Variants in ZMAT1 observed in about 807,000 individuals in gnomAD.
The protein encoded by ZMAT1 is zinc finger matrin-type 1.
A neutral mutation model predicts 18.5 loss-of-function variants in ZMAT1; 11 were observed. That is an observed-to-expected ratio of 0.59 (90% CI 0.37 to 0.98). The LOEUF is 0.98. Ranked by LOEUF, ZMAT1 falls within the 50% of genes least tolerant of loss-of-function variation. The pLI is 0.01. For missense variants in ZMAT1, 525 were observed against 496.2 expected, an observed-to-expected ratio of 1.06 and a Z score of -0.55; for synonymous variants, 211 against 176.4, an observed-to-expected ratio of 1.20 and a Z score of -1.55.
chrX:101,919,945 T>C (rs191278603), intron 1 of ZMAT1, among the ~76,000 whole-genome samples: 81 of 109,912 alleles, frequency 7.4e-4, no homozygotes, highest in African/African-American at 2.6e-3. Context: ...GGGCACAGAA[T>C]GGAAGGAAAG....
rs370448586 is a variant in ZMAT1, at chrX:101,884,303, C to T, written c.1295G>A (p.Ser432Asn). 8.3e-6 allele frequency: 10 copies of T among 1,208,500 alleles called. No individual in the cohort carries two copies. The African/African-American group carries it at 1.6e-4, about 19-fold the overall frequency. The change falls in exon 6 of 6, where the codon AGC (serine) becomes AAC (asparagine). Residue 432 changes from serine (S) to asparagine (N), a missense_variant. Physicochemically the swap from Ser to Asn is conservative, Grantham distance 46 (BLOSUM62 1). Transcript: ENST00000651725. ...GGTTGGTAGCCACTGAGGTAACTGG[C>T]TTTCCACTGGTGAAATATGGTATGG... ...QRPYHISPVE[S>N]QLPQWLPTHS... is the part of the protein sequence containing the mutation.
At chrX:101,890,046 C>T (rs1927268492) in intron 4 of ZMAT1, 1 of 111,939 alleles carries the variant, frequency 8.9e-6, no homozygotes, top group South Asian at 3.7e-4. Context: ...ATATATACTA[C>T]TTCAGTTAAT....
At chrX:101,923,160 C>G (rs1438723101) in intron 1 of ZMAT1, among the ~76,000 whole-genome samples, 1 of 112,065 alleles carries the variant, frequency 8.9e-6, no homozygotes, top group African/African-American at 3.2e-5. Context: ...CATGTCTTTT[C>G]TCTTCCTTAA....
chrX:101,920,642 G>A (rs757051951), intron 1 of ZMAT1, among the ~76,000 whole-genome samples: 6 of 111,916 alleles, frequency 5.4e-5, no homozygotes, highest in African/African-American at 1.6e-4. Context: ...GTACTTAAAC[G>A]GATTTATCCA....
At position 101,931,748 on chromosome X, in the gene ZMAT1, A is replaced by G; in HGVS notation, c.261T>C (p.Phe87=). The G allele has an allele frequency of 1.3e-6, 1 of 770,341 alleles. No individual in the cohort carries two copies. Among genetic ancestry groups the G allele is most frequent in the Non-Finnish European group, 1.5e-6 (1 of 650,704 alleles). 63.5% of individuals were successfully genotyped at this position (770,341 alleles called of 1,213,427 possible). ...TGAGGCAAGGGCGGGTGTCTACTTTAAAACTACTGCCCCCCCTCCCCGCCG... is the reference window on the plus strand; with the variant it reads ...TGAGGCAAGGGCGGGTGTCTACTTTGAAACTACTGCCCCCCCTCCCCGCCG... ...MAAAGRGGSS[F]KVDTRPCLRE... Residue 87 remains phenylalanine (F), a synonymous_variant, in exon 1 of 6, where the codon TTT becomes TTC. Coordinates refer to ENST00000651725, the MANE Select transcript of ZMAT1 (RefSeq NM_001394560.1).
intron 1 of ZMAT1, among the ~76,000 whole-genome samples, chrX:101,929,140 C>A (rs977726017): frequency 9.1e-6 from 1 of 109,426 alleles, no homozygotes; most frequent in Non-Finnish European, 1.9e-5. Flanking sequence ...CATTATCCAC[C>A]CCAAGACAGA....
chrX:101,899,452 G>A (rs931445172), intron 2 of ZMAT1, among the ~76,000 whole-genome samples: 4 of 110,991 alleles, frequency 3.6e-5, no homozygotes, highest in Admixed American at 2.9e-4. Context: ...TTTATTCCTC[G>A]CCTCCCTTCC....
In ZMAT1 at chrX:101,924,550, G is replaced by T. The variant is rs185605211; in HGVS notation, c.292+7167C>A. Among the ~76,000 whole-genome samples, 36 of 111,932 alleles carry T rather than the reference G, an allele frequency of 3.2e-4. No homozygotes were observed. In the East Asian group the frequency reaches 7.0e-3, roughly 22 times the overall value. Reference sequence around the variant, plus strand: ...ATATCATTTATTTCCATTTTAACATGAAACAAAAGCAATGGGGAATAAGAA... The same window carrying T: ...ATATCATTTATTTCCATTTTAACATTAAACAAAAGCAATGGGGAATAAGAA... On this transcript the variant is annotated intron_variant, in intron 1 of 5. Transcript: ENST00000651725.
chrX:101,887,239 A>C, intron 4 of ZMAT1: 1 of 754,186 alleles, frequency 1.3e-6, no homozygotes, highest in Non-Finnish European at 1.6e-6. Context: ...AGTAATTTCC[A>C]CAGATTTTAG....
chrX:101,931,577 C>T lies in ZMAT1; in HGVS notation c.292+140G>A, dbSNP rs888450681. 13 of 557,451 alleles carry T rather than the reference C, an allele frequency of 2.3e-5. No homozygotes were observed. The African/African-American group carries it at 2.7e-4, about 11-fold the overall frequency. The allele number at this position is 557,451 out of a possible 1,213,427, so 45.9% of individuals were successfully genotyped here. A position where few individuals can be genotyped will look rare whatever the true frequency, so the allele number is the denominator to read the frequency against. ...TCGGGGCTAATACGGCGGGGCGGGG[C>T]GGGGCGAGCTTGGCCTTTACTGCGC... is the stretch of plus-strand genomic sequence containing the variant. On this transcript the variant is annotated intron_variant, in intron 1 of 5. Coordinates refer to ENST00000651725, the MANE Select transcript of ZMAT1 (RefSeq NM_001394560.1).
chrX:101,894,717 C>G, intron 4 of ZMAT1: 2 of 746,473 alleles, frequency 2.7e-6, no homozygotes, highest in South Asian at 6.8e-5. Context: ...TAGAGAAGAA[C>G]CAGAGCATAA....
At chrX:101,904,022 A>G (rs1440904671) in intron 2 of ZMAT1, among the ~76,000 whole-genome samples, 2 of 111,588 alleles carry the variant, frequency 1.8e-5, no homozygotes, top group Admixed American at 9.5e-5. Flanking sequence ...GGAGTAAAAG[A>G]CTGAGTTTAA....
chrX:101,915,348 A>G (rs1183291313), intron 1 of ZMAT1, among the ~76,000 whole-genome samples: 2 of 56,022 alleles, frequency 3.6e-5, no homozygotes, highest in Non-Finnish European at 6.9e-5. Context: ...AATCAAACAA[A>G]AAATATATAT....
intron 4 of ZMAT1, among the ~76,000 whole-genome samples, chrX:101,890,962 T>C (rs1258916667): frequency 8.9e-6 from 1 of 111,782 alleles, no homozygotes; most frequent in African/African-American, 3.2e-5. Context: ...TTATATGTTA[T>C]GCTAAGGAGC....
intron 1 of ZMAT1, chrX:101,911,928 G>A (rs1474774833): frequency 1.7e-6 from 2 of 1,205,259 alleles, no homozygotes; most frequent in Non-Finnish European, 2.2e-6. Flanking sequence ...TGTCACGATT[G>A]CGGAAAGTCC....
chrX:101,922,378 T>C (rs1045022852), intron 1 of ZMAT1, among the ~76,000 whole-genome samples: 2 of 109,514 alleles, frequency 1.8e-5, no homozygotes, highest in East Asian at 5.7e-4. Context: ...CTGAGCTCAC[T>C]CTTAGAAAGG....
chrX:101,886,271 A>G (rs1188406852), intron 5 of ZMAT1, among the ~76,000 whole-genome samples: 1 of 111,641 alleles, frequency 9.0e-6, no homozygotes, highest in Non-Finnish European at 1.9e-5. Context: ...ACCACTATAC[A>G]TCACTGGAAA....
chrX:101,885,473 A>C (rs1297928763), intron 5 of ZMAT1, among the ~76,000 whole-genome samples: 1 of 110,533 alleles, frequency 9.0e-6, no homozygotes, highest in African/African-American at 3.3e-5. Flanking sequence ...GCTGTACTGC[A>C]CTATGACGGA....
intron 4 of ZMAT1, among the ~76,000 whole-genome samples, chrX:101,893,143 C>T (rs778582617): frequency 9.0e-6 from 1 of 111,589 alleles, no homozygotes; most frequent in South Asian, 3.8e-4. Context: ...TCTCCTCCAC[C>T]ATCAGATGAT....
Sources: gnomAD v4.1 joint callset for allele counts (sites outside exome capture counted in the v4.1 genomes callset) on GRCh38, gnomAD v4.1.1 for gene constraint, MANE v1.5 for transcripts, NCBI Gene and HGNC (gene_info 2026-07-23, HGNC 2026-07-21) for gene names.